The following CNTN4 variants were observed in gnomAD, a reference collection of about 807,000 sequenced individuals.
CNTN4 encodes contactin-4.
In CNTN4, 77 loss-of-function variants were observed where a neutral mutation model predicts 122.5. The observed-to-expected ratio is 0.63, with a 90% CI of 0.52 to 0.76. The LOEUF (loss-of-function observed/expected upper bound fraction) is 0.76. CNTN4 is among the 30% of genes least tolerant of loss of function. The probability of loss-of-function intolerance (pLI) is 0.00; values close to 1 mark genes in which losing one functional copy is unlikely to be tolerated. For missense variants in CNTN4, 1,256 were observed against 1,259.1 expected (o/e 1.00, Z 0.04); for synonymous variants, 512 against 447.0 (o/e 1.15, Z -1.83).
At chr3:2,117,921 T>A (rs1349585429) in intron 2 of CNTN4, among the ~76,000 whole-genome samples, 1 of 152,214 alleles carries the variant, frequency 6.6e-6, no homozygotes, top group Non-Finnish European at 1.5e-5. Flanking sequence ...AACTTACATA[T>A]GTATCATCCT....
intron 13 of CNTN4, among the ~76,000 whole-genome samples, chr3:2,985,063 G>A (rs1033196767): frequency 2.0e-5 from 3 of 152,234 alleles, no homozygotes; most frequent in African/African-American, 7.2e-5. Context: ...GCTGTGATGT[G>A]AATGAACAAA....
At chr3:2,376,953 C>G (rs548534531) in intron 3 of CNTN4, among the ~76,000 whole-genome samples, 12 of 151,884 alleles carry the variant, frequency 7.9e-5, no homozygotes, top group Non-Finnish European at 1.6e-4. Flanking sequence ...GTCAAAAGAT[C>G]GAGACCATCC....
intron 7 of CNTN4, among the ~76,000 whole-genome samples, chr3:2,820,101 G>C (rs1005224735): frequency 6.6e-6 from 1 of 152,134 alleles, no homozygotes; most frequent in Non-Finnish European, 1.5e-5. Flanking sequence ...ACTCTGGGAT[G>C]GTTAGTGTCA....
chr3:3,037,923 A>T (rs1043389986), intron 18 of CNTN4, among the ~76,000 whole-genome samples: 1 of 152,218 alleles, frequency 6.6e-6, no homozygotes, highest in Non-Finnish European at 1.5e-5. Flanking sequence ...GAACAAGTTC[A>T]TCAGGGTCAG....
chr3:2,627,298 C>G (rs531968995), intron 4 of CNTN4, among the ~76,000 whole-genome samples: 32 of 152,274 alleles, frequency 2.1e-4, no homozygotes, highest in African/African-American at 6.5e-4. Flanking sequence ...GGAAGGCACT[C>G]AGTTCTGACA....
chr3:2,340,710 T>TATATAGAGAGAGAGAGAGAGAGAGAG, intron 3 of CNTN4, among the ~76,000 whole-genome samples: 3 of 18,306 alleles, frequency 1.6e-4, no homozygotes, highest in African/African-American at 2.0e-4. Flanking sequence ...TATATATATA[T>TATATAGAGAGAGAGAGAGAGAGAGAG]AGAGAGAGAG....
At chr3:2,512,058 A>G (rs1246655538) in intron 3 of CNTN4, among the ~76,000 whole-genome samples, 1 of 152,192 alleles carries the variant, frequency 6.6e-6, no homozygotes, top group Non-Finnish European at 1.5e-5. Flanking sequence ...ATAAAGAGAT[A>G]ATCTTTATAT....
At chr3:2,467,659 T>C (rs2151479022) in intron 3 of CNTN4, among the ~76,000 whole-genome samples, 1 of 152,296 alleles carries the variant, frequency 6.6e-6, no homozygotes, top group South Asian at 2.1e-4. Context: ...TAAACAGTAG[T>C]TATGCACTAA....
At chr3:2,560,104 C>T (rs1431563513) in intron 3 of CNTN4, among the ~76,000 whole-genome samples, 1 of 151,812 alleles carries the variant, frequency 6.6e-6, no homozygotes, top group African/African-American at 2.4e-5. Context: ...CCTGTCCCAA[C>T]CTCCACTTAT....
rs9853416 is a variant in CNTN4 at position 2,970,715 on chromosome 3, C to G, written c.1359-17630C>G. ...CCCACCTCAGTCTCTCAAAGTGCTG[C>G]GATTGCAAGCATGAACCACCATGCC... On this transcript the variant is annotated intron_variant, in intron 13 of 24. Transcript: ENST00000418658. Among the ~76,000 whole-genome samples the G allele has an allele frequency of 5.3e-4, 81 of 152,072 alleles. 1 individual carries two copies. The highest frequency in any genetic ancestry group is 1.9e-3 in the African/African-American group (80 of 41,480).
chr3:2,545,680 T>C (rs944116171), intron 3 of CNTN4, among the ~76,000 whole-genome samples: 2 of 151,906 alleles, frequency 1.3e-5, no homozygotes, highest in African/African-American at 4.8e-5. Flanking sequence ...GAAATCACGA[T>C]AGCAACTTCT....
intron 13 of CNTN4, among the ~76,000 whole-genome samples, chr3:2,930,963 C>T (rs192266400): frequency 6.6e-6 from 1 of 152,066 alleles, no homozygotes; most frequent in African/African-American, 2.4e-5. Flanking sequence ...TGTAGGGCAG[C>T]GATAGATTGT....
intron 3 of CNTN4, among the ~76,000 whole-genome samples, chr3:2,345,048 G>A (rs564255653): frequency 2.6e-5 from 4 of 152,310 alleles, no homozygotes; most frequent in Admixed American, 6.5e-5. Flanking sequence ...AGTTGACAGA[G>A]CTTTCCCTGG....
chr3:2,816,812 T>C (rs1411005120), intron 6 of CNTN4, among the ~76,000 whole-genome samples: 5 of 99,800 alleles, frequency 5.0e-5, no homozygotes, highest in Non-Finnish European at 3.8e-5. Context: ...AGAGTGAGAC[T>C]CTGTCTCCAA....
intron 4 of CNTN4, among the ~76,000 whole-genome samples, chr3:2,611,843 A>T (rs1052299632): frequency 2.6e-5 from 4 of 152,176 alleles, no homozygotes; most frequent in African/African-American, 9.7e-5. Context: ...TCTCTTATAC[A>T]GGTGGCTATA....
chr3:2,875,045 C>T (rs1385484344), intron 8 of CNTN4, among the ~76,000 whole-genome samples: 3 of 152,098 alleles, frequency 2.0e-5, no homozygotes, highest in Admixed American at 6.5e-5. Context: ...TGCAGTGGTG[C>T]GATGTCAGCT....
At chr3:2,773,275 T>G (rs1383653162) in intron 6 of CNTN4, among the ~76,000 whole-genome samples, 2 of 152,088 alleles carry the variant, frequency 1.3e-5, no homozygotes, top group African/African-American at 4.8e-5. Flanking sequence ...TTGACAAAAT[T>G]TTTGTATATT....
intron 2 of CNTN4, among the ~76,000 whole-genome samples, chr3:2,193,171 A>G (rs2037667124): frequency 6.6e-6 from 1 of 152,144 alleles, no homozygotes; most frequent in East Asian, 1.9e-4. Context: ...CTTAGACTTC[A>G]AGCTGTACCC....
chr3:2,883,754 G>C (rs931584735), intron 9 of CNTN4, among the ~76,000 whole-genome samples: 1 of 152,192 alleles, frequency 6.6e-6, no homozygotes, highest in Non-Finnish European at 1.5e-5. Flanking sequence ...CTCTAAGAGA[G>C]TCTGTTTTAC....
Sources: gnomAD v4.1 joint callset for allele counts (sites outside exome capture counted in the v4.1 genomes callset) on GRCh38, gnomAD v4.1.1 for gene constraint, MANE v1.5 for transcripts, NCBI Gene and HGNC (gene_info 2026-07-23, HGNC 2026-07-21) for gene names.